The following HIPK3 variants were observed in gnomAD, a reference collection of about 807,000 sequenced individuals.
HIPK3 encodes the protein homeodomain interacting protein kinase 3.
HIPK3 carries 47 observed loss-of-function variants against 124.2 expected under a neutral mutation model. The ratio of observed to expected loss-of-function variants is 0.38; its 90% CI spans 0.30 to 0.48. The LOEUF is 0.48. HIPK3 is among the 20% of genes least tolerant of loss of function. HIPK3 has a pLI of 0.98. For missense variants in HIPK3, 1,286 were observed against 1,454.3 expected, an observed-to-expected ratio of 0.88 and a Z score of 1.88; for synonymous variants, 482 against 515.2, an observed-to-expected ratio of 0.94 and a Z score of 0.87.
intron 1 of HIPK3, chr11:33,258,570 G>C: frequency 3.0e-6 from 3 of 985,460 alleles, no homozygotes; most frequent in Non-Finnish European, 2.4e-6. Context: ...GGCTGTTGCC[G>C]GCTTCTCTCG....
chr11:33,295,805 G>T (rs1851829438), intron 2 of HIPK3, among the ~76,000 whole-genome samples: 1 of 152,200 alleles, frequency 6.6e-6, no homozygotes, highest in African/African-American at 2.4e-5. Flanking sequence ...CCCATTATTG[G>T]TAAGGCGAAC....
At chr11:33,351,124 G>A (rs193275416) in intron 14 of HIPK3, among the ~76,000 whole-genome samples, 1 of 152,278 alleles carries the variant, frequency 6.6e-6, no homozygotes, top group African/African-American at 2.4e-5. Flanking sequence ...CTTCAGAGGT[G>A]TGGGGATACC....
rs1303211783 is a variant in HIPK3, at chr11:33,286,591, T to C, written c.177T>C (p.Gly59=). Reference sequence around the variant, plus strand: ...GAAATTCTCATCCTCCCACTAAGGGTAGTGCTTTTCAGACAAAGATACCAT... The same window carrying C: ...GAAATTCTCATCCTCCCACTAAGGGCAGTGCTTTTCAGACAAAGATACCAT... The part of the protein sequence containing the change: ...NFGNSHPPTK[G]SAFQTKIPFN... Residue 59 remains glycine, a synonymous_variant, in exon 2 of 17, where the codon GGT becomes GGC. Coordinates refer to ENST00000303296, the MANE Select transcript of HIPK3 (RefSeq NM_005734.5). 6.2e-7 allele frequency: 1 copy of C among 1,613,926 alleles called. No homozygotes were observed. The highest frequency in any genetic ancestry group is 8.5e-7 in the Non-Finnish European group (1 of 1,180,008).
At chr11:33,306,753 A>G (rs1460397717) in intron 2 of HIPK3, among the ~76,000 whole-genome samples, 2 of 152,180 alleles carry the variant, frequency 1.3e-5, no homozygotes, top group African/African-American at 2.4e-5. Flanking sequence ...TGTACATTTT[A>G]TAGGTAGAAG....
At chr11:33,307,929 GTT>G (rs1444876303) in intron 2 of HIPK3, among the ~76,000 whole-genome samples, 3 of 152,024 alleles carry the variant, frequency 2.0e-5, no homozygotes, top group Non-Finnish European at 2.9e-5. Flanking sequence ...AGTTTAATAT[GTT>G]TTTATTTTTG....
In HIPK3 at chr11:33,337,097, A is replaced by G; in HGVS notation, c.1244A>G (p.Gln415Arg). The change falls in exon 4 of 17, where the codon CAA (glutamine) becomes CGA (arginine). Residue 415 changes from glutamine to arginine, a missense_variant. By Grantham distance (43) the Gln-to-Arg change is conservative. This residue lies in a region of HIPK3 where 251 missense variants were observed against 349.1 expected (regional missense o/e 0.72). Coordinates refer to ENST00000303296, the MANE Select transcript of HIPK3 (RefSeq NM_005734.5). ...CAGATTCGATACATTTCTCAGACTC[A>G]AGGTTTGCCAGGAGAACAGTTGTTA... is the stretch of plus-strand genomic sequence containing the variant. ...YDQIRYISQT[Q>R]GLPGEQLLNV... 6.2e-7 allele frequency: 1 copy of G among 1,600,946 alleles called. No homozygotes were observed. Among genetic ancestry groups the G allele is most frequent in the Non-Finnish European group, 8.5e-7 (1 of 1,172,850 alleles).
intron 2 of HIPK3, among the ~76,000 whole-genome samples, chr11:33,289,798 A>ACTC (rs1336008591): frequency 6.6e-6 from 1 of 151,634 alleles, no homozygotes; most frequent in African/African-American, 2.4e-5. Context: ...AATCATCTCT[A>ACTC]CTCCCTACCC....
intron 2 of HIPK3, among the ~76,000 whole-genome samples, chr11:33,314,171 G>A (rs1362873259): frequency 6.6e-6 from 1 of 152,168 alleles, no homozygotes; most frequent in Non-Finnish European, 1.5e-5. Context: ...TATCTACATG[G>A]TGGTGAGGAG....
chr11:33,323,883 G>C (rs1289030882), intron 2 of HIPK3, among the ~76,000 whole-genome samples: 2 of 152,168 alleles, frequency 1.3e-5, no homozygotes, highest in African/African-American at 4.8e-5. Context: ...ATTATTTATA[G>C]AGTGGGAGAA....
chr11:33,340,305 G>A (rs926154991), intron 6 of HIPK3, among the ~76,000 whole-genome samples: 25 of 152,208 alleles, frequency 1.6e-4, no homozygotes, highest in East Asian at 1.4e-3. Flanking sequence ...CGAACTTCTG[G>A]GCTCAAGTGA....
chr11:33,302,342 C>CTTTTTTTTTTTTTTT (rs58735030), intron 2 of HIPK3, among the ~76,000 whole-genome samples: 29 of 135,702 alleles, frequency 2.1e-4, no homozygotes, highest in Non-Finnish European at 3.9e-4. Context: ...TTCCTTACTT[C>CTTTTTTTTTTTTTTT]TTTTTTTTTT....
rs200300898 is a variant in HIPK3, at chr11:33,286,533, A to G, written c.119A>G (p.Tyr40Cys). The G allele has an allele frequency of 7.6e-4, 1,223 of 1,614,080 alleles. 16 individuals are homozygous for G. In the South Asian group the frequency reaches 0.01, roughly 14 times the overall value. Residue 40 changes from tyrosine (Y) to cysteine (C), a missense_variant, in exon 2 of 17, where the codon TAT (tyrosine) becomes TGT (cysteine). By Grantham distance (194) the Tyr-to-Cys change is radical. Around this residue, in one of 3 missense-constraint regions of HIPK3, gnomAD observed 225 missense variants for 240.3 expected, o/e 0.94. Coordinates refer to ENST00000303296, the MANE Select transcript of HIPK3 (RefSeq NM_005734.5). Reference sequence around the variant, plus strand: ...AGTTGTGTATTCCAGGAAAGAAACTATCCACGGACCTATGTGAATGGTAGA... The same window carrying G: ...AGTTGTGTATTCCAGGAAAGAAACTGTCCACGGACCTATGTGAATGGTAGA... ...PSSCVFQERN[Y>C]PRTYVNGRNF...
intron 14 of HIPK3, among the ~76,000 whole-genome samples, chr11:33,350,495 C>T (rs535070177): frequency 3.5e-4 from 53 of 150,800 alleles, no homozygotes; most frequent in Admixed American, 1.5e-3. Context: ...AGTGAGACCC[C>T]GCCTCTACCA....
intron 2 of HIPK3, among the ~76,000 whole-genome samples, chr11:33,316,300 T>C (rs1473023721): frequency 6.6e-6 from 1 of 152,252 alleles, no homozygotes; most frequent in Non-Finnish European, 1.5e-5. Flanking sequence ...TTGACAGTCA[T>C]CCTTCTGTTA....
intron 1 of HIPK3, among the ~76,000 whole-genome samples, chr11:33,276,712 C>A (rs1037223896): frequency 6.6e-6 from 1 of 151,614 alleles, no homozygotes; most frequent in Non-Finnish European, 1.5e-5. Flanking sequence ...TTTTATTATT[C>A]TTATTTTTTT....
chr11:33,330,929 G>A (rs1226000893), intron 3 of HIPK3, among the ~76,000 whole-genome samples: 1 of 151,606 alleles, frequency 6.6e-6, no homozygotes, highest in African/African-American at 2.4e-5. Context: ...TGTCGCCCAG[G>A]CCTGAGTGCA....
intron 2 of HIPK3, among the ~76,000 whole-genome samples, chr11:33,307,385 G>T (rs948358270): frequency 2.0e-5 from 3 of 148,724 alleles, no homozygotes; most frequent in Non-Finnish European, 4.4e-5. Flanking sequence ...GACTAAATTT[G>T]TGTATTTATG....
At chr11:33,277,529 A>G (rs1228510229) in intron 1 of HIPK3, among the ~76,000 whole-genome samples, 1 of 152,196 alleles carries the variant, frequency 6.6e-6, no homozygotes, top group East Asian at 1.9e-4. Flanking sequence ...GATATGAGCC[A>G]CACTTGTACT....
intron 2 of HIPK3, among the ~76,000 whole-genome samples, chr11:33,296,435 T>C (rs1356981241): frequency 6.6e-6 from 1 of 152,176 alleles, no homozygotes; most frequent in Admixed American, 6.5e-5. Context: ...GTCTTTTGAG[T>C]GGCAAAGTTA....
Sources: gnomAD v4.1 joint callset for allele counts (sites outside exome capture counted in the v4.1 genomes callset) on GRCh38, gnomAD v4.1.1 for gene constraint, gnomAD v4.1.1 regional missense constraint, MANE v1.5 for transcripts, NCBI Gene and HGNC (gene_info 2026-07-23, HGNC 2026-07-21) for gene names.